Variants in SAMD8 observed in about 807,000 individuals in gnomAD.
The protein encoded by SAMD8 is sterile alpha motif domain containing 8, also known as sphingomyelin synthase-related protein 1.
SAMD8 carries 20 observed loss-of-function variants against 42.0 expected under a neutral mutation model. That is an observed-to-expected ratio of 0.48 (90% CI 0.34 to 0.69). SAMD8 has a LOEUF of 0.69. Ranked by LOEUF, SAMD8 falls within the 30% of genes least tolerant of loss-of-function variation. The pLI is 0.01. For missense variants in SAMD8, 328 were observed against 511.6 expected, an observed-to-expected ratio of 0.64 and a Z score of 3.46; for synonymous variants, 162 against 173.0, an observed-to-expected ratio of 0.94 and a Z score of 0.50.
chr10:75,114,834 T>C (rs1848841470), intron 1 of SAMD8, among the ~76,000 whole-genome samples: 1 of 152,198 alleles, frequency 6.6e-6, no homozygotes, highest in Admixed American at 6.5e-5. Flanking sequence ...GAACTAAGAT[T>C]GAATTCACTT....
chr10:75,160,927 G>A (rs142047471), intron 2 of SAMD8, among the ~76,000 whole-genome samples: 5 of 152,278 alleles, frequency 3.3e-5, no homozygotes, highest in Admixed American at 6.5e-5. Flanking sequence ...AATTAGCCAG[G>A]CATGGTGGAG....
At position 75,171,154 on chromosome 10, in the gene SAMD8, CTTTTTCTTTTTTT is replaced by C. The variant is rs951126894; in HGVS notation, c.792+2502_792+2514del. On this transcript the variant is annotated intron_variant, in intron 4 of 5. Transcript: ENST00000542569. ...TAGTTTTCCTTTTCTTTCTTTCTTTCTTTTTCTTTTTTTTTTTTTTTTTTTTTTTTGAGATGGA... is the reference window on the plus strand; with the variant it reads ...TAGTTTTCCTTTTCTTTCTTTCTTTCTTTTTTTTTTTTTTTTTGAGATGGA... Among the ~76,000 whole-genome samples, 164 of 108,200 alleles carry C rather than the reference CTTTTTCTTTTTTT, an allele frequency of 1.5e-3. 1 individual carries two copies. In the East Asian group the frequency reaches 0.044, roughly 29 times the overall value. The allele number at this position is 108,200 out of a possible 152,430, so 71.0% of individuals were successfully genotyped here. A position where few individuals can be genotyped will look rare whatever the true frequency, so the allele number is the denominator to read the frequency against.
At chr10:75,164,387 T>TC in intron 2 of SAMD8, 1 of 136,498 alleles carries the variant, frequency 7.3e-6, no homozygotes. Context: ...TTGCCACTTC[T>TC]TTTTTTTTTT....
upstream of SAMD8, chr10:75,108,279 C>T (rs1484668352): frequency 1.3e-6 from 2 of 1,522,040 alleles, no homozygotes; most frequent in Non-Finnish European, 1.8e-6. Flanking sequence ...GTGCCTGGCC[C>T]CCTGCTGCAG....
intron 1 of SAMD8, among the ~76,000 whole-genome samples, chr10:75,121,824 T>A (rs112238787): frequency 0.028 from 4,247 of 152,264 alleles, 88 homozygotes; most frequent in Non-Finnish European, 0.042. Flanking sequence ...CCCAAGTAGC[T>A]AGGATTACAG....
intron 2 of SAMD8, among the ~76,000 whole-genome samples, chr10:75,159,702 A>G (rs1840512009): frequency 6.6e-6 from 1 of 152,154 alleles, no homozygotes. Flanking sequence ...GACGACATTT[A>G]GATTGGACCT....
At chr10:75,112,022 G>A (rs547286629) in intron 1 of SAMD8, among the ~76,000 whole-genome samples, 1 of 152,178 alleles carries the variant, frequency 6.6e-6, no homozygotes, top group East Asian at 1.9e-4. Flanking sequence ...GCTGCGCAGT[G>A]GGGGAAAAAG....
Position 75,105,689 on chromosome 10 carries a change from G to A in SAMD8, c.-16+5961G>A, listed in dbSNP as rs769346082. On this transcript the variant is annotated intron_variant, in intron 1 of 3. Transcript: ENST00000447533. ...GCCCCTCAGCTCTGGCCGGCACCCC[G>A]CAGTTGCTGGTCCAGCCTGCAGAGC... 1.9e-5 allele frequency: 30 copies of A among 1,549,696 alleles called. No individual in the cohort carries two copies. The South Asian group carries it at 2.3e-4, about 12-fold the overall frequency.
At chr10:75,151,142 G>A (rs1215831844) in intron 2 of SAMD8, 36 bp downstream of exon 2, 5 of 1,152,776 alleles carry the variant, frequency 4.3e-6, no homozygotes, top group African/African-American at 3.1e-5. Flanking sequence ...TTTGTAGGAT[G>A]TTGCTATAAT....
At chr10:75,147,816 A>G (rs1255012138) in intron 1 of SAMD8, among the ~76,000 whole-genome samples, 3 of 152,184 alleles carry the variant, frequency 2.0e-5, no homozygotes, top group Admixed American at 6.5e-5. Flanking sequence ...CAGCAAAATC[A>G]TATTTCTAAT....
intron 1 of SAMD8, among the ~76,000 whole-genome samples, chr10:75,103,291 G>A (rs1191639283): frequency 6.6e-6 from 1 of 152,240 alleles, no homozygotes; most frequent in African/African-American, 2.4e-5. Context: ...CGATGGGACA[G>A]GTCCAGGATA....
At chr10:75,111,004 C>T (rs972379624), upstream of SAMD8, among the ~76,000 whole-genome samples, 1 of 152,036 alleles carries the variant, frequency 6.6e-6, no homozygotes, top group South Asian at 2.1e-4. Context: ...TTAGTACAGA[C>T]GAGGTTTCCC....
intron 1 of SAMD8, 32 bp downstream of exon 1, chr10:75,111,754 G>A: frequency 8.1e-7 from 1 of 1,233,190 alleles, no homozygotes; most frequent in Non-Finnish European, 1.0e-6. Context: ...GGAGAGGGGA[G>A]CTTGGGGGGC....
intron 1 of SAMD8, among the ~76,000 whole-genome samples, chr10:75,148,741 C>T (rs986611274): frequency 6.6e-6 from 1 of 152,146 alleles, no homozygotes; most frequent in Non-Finnish European, 1.5e-5. Context: ...ATGATAAACA[C>T]TCAAATCAAG....
Position 75,137,229 on chromosome 10 carries a change from T to C in SAMD8, c.-15-13285T>C, listed in dbSNP as rs59530467. ...AATGTGATATATACATAGAAGGGGA[T>C]ATTATTCAGCCTTAGAAAGAAAATT... On this transcript the variant is annotated intron_variant, in intron 1 of 5. Coordinates refer to ENST00000542569, the MANE Select transcript of SAMD8 (RefSeq NM_001174156.2). 6.2e-3 allele frequency among the ~76,000 whole-genome samples: 940 copies of C among 152,234 alleles called. 8 individuals are homozygous for C. The highest frequency in any genetic ancestry group is 0.021 in the African/African-American group (879 of 41,540).
intron 1 of SAMD8, among the ~76,000 whole-genome samples, chr10:75,142,762 G>A (rs966795579): frequency 6.6e-5 from 10 of 152,054 alleles, no homozygotes; most frequent in African/African-American, 1.9e-4. Context: ...ACTTAAGGCC[G>A]GGTGCAGTGC....
At chr10:75,142,085 T>C (rs1427622761) in intron 1 of SAMD8, among the ~76,000 whole-genome samples, 2 of 152,036 alleles carry the variant, frequency 1.3e-5, no homozygotes, top group East Asian at 1.9e-4. Flanking sequence ...GTACCTGGGA[T>C]TGCAGGCACC....
intron 4 of SAMD8, among the ~76,000 whole-genome samples, chr10:75,174,326 T>C (rs2132219164): frequency 6.6e-6 from 1 of 152,288 alleles, no homozygotes; most frequent in African/African-American, 2.4e-5. Flanking sequence ...AGATGGGGTT[T>C]CACCGTGTTA....
chr10:75,152,288 C>T (rs1242643899), intron 2 of SAMD8, among the ~76,000 whole-genome samples: 5 of 150,540 alleles, frequency 3.3e-5, no homozygotes, highest in African/African-American at 4.9e-5. Flanking sequence ...TTTGGGAGGC[C>T]GAGGCGGGCG....
Sources: gnomAD v4.1 joint callset for allele counts (sites outside exome capture counted in the v4.1 genomes callset) on GRCh38, gnomAD v4.1.1 for gene constraint, MANE v1.5 for transcripts, NCBI Gene and HGNC (gene_info 2026-07-23, HGNC 2026-07-21) for gene names.